Variants in MYO18B observed in about 807,000 individuals in gnomAD.
MYO18B encodes the protein myosin XVIIIB.
MYO18B carries 204 observed loss-of-function variants against 273.0 expected under a neutral mutation model. The ratio of observed to expected loss-of-function variants is 0.75; its 90% confidence interval spans 0.67 to 0.84. The LOEUF is 0.84. MYO18B is among the 40% of genes least tolerant of loss of function. MYO18B has a pLI of 0.00. For synonymous variants in MYO18B, 1,330 were observed against 1,305.7 expected (o/e 1.02, Z -0.40); for missense variants, 3,212 against 3,287.6 (o/e 0.98, Z 0.56).
chr22:25,894,160 A>G (rs763038719), intron 27 of MYO18B, among the ~76,000 whole-genome samples: 2 of 152,236 alleles, frequency 1.3e-5, no homozygotes, highest in African/African-American at 4.8e-5. Context: ...CTGGATTTCT[A>G]TAAGCTTCTT....
chr22:25,895,584 C>T (rs900664761), intron 28 of MYO18B: 7 of 250,764 alleles, frequency 2.8e-5, no homozygotes, highest in Non-Finnish European at 5.4e-5. Flanking sequence ...GTCACTTTAA[C>T]TCATGTTTCT....
At chr22:25,929,893 CAA>C (rs767808701) in intron 34 of MYO18B, among the ~76,000 whole-genome samples, 8 of 152,138 alleles carry the variant, frequency 5.3e-5, no homozygotes, top group Non-Finnish European at 1.0e-4. Flanking sequence ...AATTTAAACG[CAA>C]AGTCGGTTCT....
intron 40 of MYO18B, among the ~76,000 whole-genome samples, chr22:25,995,397 A>G (rs1933128999): frequency 2.0e-5 from 3 of 152,204 alleles, no homozygotes; most frequent in South Asian, 2.1e-4. Flanking sequence ...CTAAAGGAGT[A>G]TAGTTGGATT....
chr22:26,019,812 A>G (rs760315868), intron 42 of MYO18B, among the ~76,000 whole-genome samples: 9 of 152,226 alleles, frequency 5.9e-5, no homozygotes, highest in African/African-American at 1.2e-4. Flanking sequence ...TGTAGCTACA[A>G]TTGGCCCAGG....
Position 25,769,248 on chromosome 22 carries a change from A to G in MYO18B, c.1332A>G (p.Glu444=), listed in dbSNP as rs1223797588. ...GCTGGCCAGGAAGCCGTGGGCAGGA[A>G]GCAGAGGAGCCCTGCTCAAGAGCAG... ...KGGWPGSRGQ[E]AEEPCSRAGD... The change falls in exon 4 of 44, where the codon GAA becomes GAG. Residue 444 remains glutamate, a synonymous_variant. Transcript: ENST00000335473. 1 of 1,596,182 alleles carries G rather than the reference A, an allele frequency of 6.3e-7. No homozygotes were observed. Among genetic ancestry groups the G allele is most frequent in the Non-Finnish European group, 8.5e-7 (1 of 1,171,768 alleles).
At chr22:25,749,602 C>T (rs752046291) in intron 1 of MYO18B, among the ~76,000 whole-genome samples, 4 of 152,198 alleles carry the variant, frequency 2.6e-5, no homozygotes, top group Non-Finnish European at 4.4e-5. Flanking sequence ...GTAGGGAGCA[C>T]AATGCCTAGT....
chr22:25,931,086 G>A (rs1482795214), intron 34 of MYO18B, among the ~76,000 whole-genome samples: 1 of 152,172 alleles, frequency 6.6e-6, no homozygotes, highest in African/African-American at 2.4e-5. Context: ...TTTTTCCCCA[G>A]CCAGGAACTA....
chr22:25,935,235 C>T (rs2092561509), intron 34 of MYO18B, among the ~76,000 whole-genome samples: 1 of 152,170 alleles, frequency 6.6e-6, no homozygotes, highest in Non-Finnish European at 1.5e-5. Flanking sequence ...GAGCAAAAAG[C>T]AGACACTTCC....
chr22:25,872,243 G>A (rs954599874), intron 22 of MYO18B, among the ~76,000 whole-genome samples: 3 of 152,114 alleles, frequency 2.0e-5, no homozygotes, highest in Admixed American at 1.3e-4. Context: ...TCTCCATTAC[G>A]AAAAATAGGG....
At chr22:25,868,443 C>T in intron 22 of MYO18B, 58 bp downstream of exon 22, 1 of 1,413,288 alleles carries the variant, frequency 7.1e-7, no homozygotes, top group Non-Finnish European at 9.8e-7. Context: ...CCAGAGATGA[C>T]CTGATTCTTG....
At chr22:25,932,434 G>A (rs1171215986) in intron 34 of MYO18B, among the ~76,000 whole-genome samples, 1 of 125,076 alleles carries the variant, frequency 8.0e-6, no homozygotes, top group Admixed American at 8.9e-5. Context: ...TTGAGACACA[G>A]TTTTGCTCTT....
chr22:25,786,060 CT>C (rs1271031849), intron 11 of MYO18B, among the ~76,000 whole-genome samples: 1 of 152,182 alleles, frequency 6.6e-6, no homozygotes, highest in East Asian at 1.9e-4. Context: ...AAATGGTTCA[CT>C]GGTTTGATAT....
At chr22:25,970,083 GTCA>G (rs529346258) in intron 39 of MYO18B, among the ~76,000 whole-genome samples, 43 of 151,814 alleles carry the variant, frequency 2.8e-4, no homozygotes, top group African/African-American at 9.4e-4. Flanking sequence ...CTTCATCACT[GTCA>G]TCATCACCAC....
intron 1 of MYO18B, among the ~76,000 whole-genome samples, chr22:25,757,420 A>AC (rs1005931619): frequency 2.7e-4 from 41 of 151,614 alleles, no homozygotes; most frequent in African/African-American, 8.7e-4. Flanking sequence ...ACATGACGAA[A>AC]CCCCATCTCT....
chr22:26,058,066 G>A, the MYO18B span, among the ~76,000 whole-genome samples: 1 of 152,160 alleles, frequency 6.6e-6, no homozygotes, highest in South Asian at 2.1e-4. Flanking sequence ...GACACCATAT[G>A]CAACACTGTT....
chr22:25,777,502 G>A (rs1280624858), intron 7 of MYO18B, 81 bp from the exon 8 acceptor site: 26 of 1,350,120 alleles, frequency 1.9e-5, no homozygotes, highest in Non-Finnish European at 2.5e-5. Context: ...CTGGACCCTA[G>A]GCCTGGGGCG....
intron 43 of MYO18B, among the ~76,000 whole-genome samples, chr22:26,029,966 C>G (rs565846890): frequency 1.3e-4 from 20 of 152,250 alleles, no homozygotes; most frequent in South Asian, 1.0e-3. Context: ...ACTTTTTCTC[C>G]TTCTGCCACC....
intron 11 of MYO18B, among the ~76,000 whole-genome samples, chr22:25,789,704 C>T (rs891862187): frequency 1.3e-5 from 2 of 151,786 alleles, no homozygotes; most frequent in African/African-American, 4.8e-5. Context: ...AGGGCAAAAC[C>T]AAAAACCAGA....
the MYO18B span, among the ~76,000 whole-genome samples, chr22:26,056,449 T>C: frequency 6.6e-6 from 1 of 152,210 alleles, no homozygotes; most frequent in Non-Finnish European, 1.5e-5. Flanking sequence ...TCACTCCTGG[T>C]CCTGTCTACC....
Sources: gnomAD v4.1 joint callset for allele counts (sites outside exome capture counted in the v4.1 genomes callset) on GRCh38, gnomAD v4.1.1 for gene constraint, MANE v1.5 for transcripts, NCBI Gene and HGNC (gene_info 2026-07-23, HGNC 2026-07-21) for gene names.